Variants in LTBP2 observed in about 807,000 individuals in gnomAD.
LTBP2 encodes the protein latent transforming growth factor beta binding protein 2, also known as latent-transforming growth factor beta-binding protein 2.
LTBP2 carries 103 observed loss-of-function variants against 210.6 expected under a neutral mutation model. The ratio of observed to expected loss-of-function variants is 0.49; its 90% CI spans 0.42 to 0.58. LTBP2 has a LOEUF of 0.58. Ranked by LOEUF, LTBP2 falls within the 20% of genes least tolerant of loss-of-function variation. The probability of loss-of-function intolerance (pLI) is 0.00; values close to 1 mark genes in which losing one functional copy is unlikely to be tolerated. For missense variants in LTBP2, 2,313 were observed against 2,494.5 expected, an observed-to-expected ratio of 0.93 and a Z score of 1.55; for synonymous variants, 1,007 against 1,015.0, an observed-to-expected ratio of 0.99 and a Z score of 0.15.
At chr14:74,513,891 G>C (rs907729390) in intron 18 of LTBP2, among the ~76,000 whole-genome samples, 1 of 152,190 alleles carries the variant, frequency 6.6e-6, no homozygotes, top group Non-Finnish European at 1.5e-5. Flanking sequence ...GTCTATCTTG[G>C]CATGCCACTG....
At chr14:74,510,007 A>G in intron 20 of LTBP2, 84 bp downstream of exon 20, 1 of 1,611,652 alleles carries the variant, frequency 6.2e-7, no homozygotes, top group Admixed American at 1.7e-5. Flanking sequence ...GGGTGGATTC[A>G]GGGGGCCAAG....
In LTBP2 at chr14:74,612,080, C is replaced by G; in HGVS notation, c.-136G>C. 2 of 941,648 alleles carry G rather than the reference C, an allele frequency of 2.1e-6. No individual in the cohort carries two copies. Among genetic ancestry groups the G allele is most frequent in the Non-Finnish European group, 2.9e-6 (2 of 679,798 alleles). The allele number at this position is 941,648 out of a possible 1,614,324, so 58.3% of individuals were successfully genotyped here. On this transcript the variant is annotated 5_prime_UTR_variant, in exon 1 of 36. Transcript: ENST00000261978. ...CTGAGTCTAGGGGGCCCTGAAGCGG[C>G]CGACTGGGGGCCCGGCTCTCGGCGG...
intron 16 of LTBP2, among the ~76,000 whole-genome samples, chr14:74,522,416 T>A (rs699370): frequency 8.8e-4 from 134 of 152,094 alleles, no homozygotes; most frequent in Middle Eastern, 3.4e-3. Context: ...GACCTCCCCC[T>A]ACGGATGACC....
intron 15 of LTBP2, among the ~76,000 whole-genome samples, chr14:74,523,147 C>T (rs2139711783): frequency 6.6e-6 from 1 of 152,238 alleles, no homozygotes; most frequent in South Asian, 2.1e-4. Flanking sequence ...TAGGGCATCC[C>T]CCTCACCGAG....
Position 74,500,926 on chromosome 14 carries a change from A to G in LTBP2, c.5424T>C (p.Tyr1808=), listed in dbSNP as rs201114882. The G allele has an allele frequency of 3.7e-6, 6 of 1,614,214 alleles. No individual in the cohort carries two copies. The East Asian group carries it at 1.1e-4, about 30-fold the overall frequency. ...AGTGGGGGGGCCCTGCCTCAGCCACATATCCCGGGGAGCAGTGGCAGCGGT... is the reference window on the plus strand; with the variant it reads ...AGTGGGGGGGCCCTGCCTCAGCCACGTATCCCGGGGAGCAGTGGCAGCGGT... ...GSYRCHCSPG[Y]VAEAGPPHCT... is the part of the protein sequence containing the mutation. The change falls in exon 36 of 36, where the codon TAT becomes TAC. Residue 1808 remains tyrosine (Y), a synonymous_variant. Transcript: ENST00000261978.
chr14:74,598,011 T>A (rs1356885815), intron 2 of LTBP2, among the ~76,000 whole-genome samples: 1 of 152,220 alleles, frequency 6.6e-6, no homozygotes, highest in Non-Finnish European at 1.5e-5. Context: ...CATAAACATC[T>A]CATTCTTATA....
At chr14:74,561,517 A>G (rs2087793760) in intron 3 of LTBP2, among the ~76,000 whole-genome samples, 1 of 152,198 alleles carries the variant, frequency 6.6e-6, no homozygotes, top group African/African-American at 2.4e-5. Context: ...TTATATAAGC[A>G]TAGGAAAAGG....
At chr14:74,523,191 C>T (rs2087230855) in intron 15 of LTBP2, among the ~76,000 whole-genome samples, 1 of 152,100 alleles carries the variant, frequency 6.6e-6, no homozygotes, top group Admixed American at 6.5e-5. Context: ...CAGCAAATTT[C>T]CAGCAAAACC....
rs746266521 is a variant in LTBP2, at chr14:74,528,656, T to C, written c.2195A>G (p.Tyr732Cys). 1.9e-6 allele frequency: 3 copies of C among 1,613,070 alleles called. No homozygotes were observed. Among genetic ancestry groups the C allele is most frequent in the East Asian group, 2.2e-5 (1 of 44,888 alleles). ...GGACAGGCGGATGTCGGAGCTCGCG[T>C]AGGTGTAGCCGTGGCCGGCAGGGCA... is the stretch of plus-strand genomic sequence containing the variant. The part of the protein sequence containing the change: ...EICPAGHGYT[Y>C]ASSDIRLSMR... The change falls in exon 12 of 36, where the codon TAC becomes TGC. Residue 732 changes from tyrosine (Y) to cysteine (C), a missense_variant. By Grantham distance (194) the Tyr-to-Cys change is radical. Coordinates refer to ENST00000261978, the MANE Select transcript of LTBP2 (RefSeq NM_000428.3).
chr14:74,611,779 G>A lies in LTBP2; in HGVS notation c.166C>T (p.Pro56Ser), dbSNP rs1299122966. 6.2e-7 allele frequency: 1 copy of A among 1,610,184 alleles called. No homozygotes were observed. The highest frequency in any genetic ancestry group is 8.5e-7 in the Non-Finnish European group (1 of 1,179,556). ...AGGDANRLRRPGGSYPAAAAA... is the reference protein window; with the variant it reads ...AGGDANRLRRSGGSYPAAAAA... ...GCCGCTGCCGGGTAGCTGCCCCCAG[G>A]GCGCCGCAGTCGATTCGCGTCTCCA... The change falls in exon 1 of 36, where the codon CCT (proline) becomes TCT (serine). Residue 56 changes from proline (P) to serine (S), a missense_variant. Transcript: ENST00000261978.
chr14:74,545,074 C>T (rs939440973), intron 8 of LTBP2, among the ~76,000 whole-genome samples: 3 of 152,200 alleles, frequency 2.0e-5, no homozygotes, highest in African/African-American at 7.2e-5. Context: ...AAAACCCAAT[C>T]TTGACGCGCA....
chr14:74,521,486 C>T (rs113642661), intron 17 of LTBP2, among the ~76,000 whole-genome samples: 5,407 of 152,250 alleles, frequency 0.036, 133 homozygotes, highest in Middle Eastern at 0.061. Context: ...GCTGAGGAGC[C>T]GTGCTCCTCG....
chr14:74,587,600 C>A (rs1011898569), intron 2 of LTBP2, among the ~76,000 whole-genome samples: 11 of 151,778 alleles, frequency 7.2e-5, no homozygotes, highest in African/African-American at 2.7e-4. Flanking sequence ...CCGCCAGAGA[C>A]CCAGGAAGGC....
chr14:74,502,944 AGGAG>A lies in LTBP2; in HGVS notation c.4889-14_4889-11del, dbSNP rs1357568600. ...AGCTGAGCATAGACCTCTGTCAGGGAGGAGGGAGAGAAGGAGCTGGGTTCTAGCT... is the reference window on the plus strand; with the variant it reads ...AGCTGAGCATAGACCTCTGTCAGGGAGGAGAGAAGGAGCTGGGTTCTAGCT... On this transcript the variant is annotated splice_polypyrimidine_tract_variant and intron_variant, in intron 33 of 35. Coordinates refer to ENST00000261978, the MANE Select transcript of LTBP2 (RefSeq NM_000428.3). 5.0e-6 allele frequency: 8 copies of A among 1,610,234 alleles called. No homozygotes were observed. The African/African-American group carries it at 1.1e-4, about 22-fold the overall frequency.
intron 3 of LTBP2, among the ~76,000 whole-genome samples, chr14:74,567,113 G>A (rs1270631898): frequency 1.3e-5 from 2 of 152,194 alleles, no homozygotes; most frequent in African/African-American, 4.8e-5. Context: ...AGGGAGGCAT[G>A]AGCTCTGCGT....
intron 2 of LTBP2, among the ~76,000 whole-genome samples, chr14:74,594,284 A>G (rs1340892183): frequency 6.6e-6 from 1 of 151,962 alleles, no homozygotes; most frequent in East Asian, 1.9e-4. Context: ...TTTGCCCTCC[A>G]TCTATGACCC....
chr14:74,533,996 T>C (rs1044500899), intron 9 of LTBP2, among the ~76,000 whole-genome samples: 1 of 152,008 alleles, frequency 6.6e-6, no homozygotes, highest in African/African-American at 2.4e-5. Context: ...TTTGGGGAAA[T>C]TGGCACTGGG....
At chr14:74,574,428 C>T (rs544186444) in intron 3 of LTBP2, among the ~76,000 whole-genome samples, 15 of 152,280 alleles carry the variant, frequency 9.9e-5, no homozygotes, top group African/African-American at 3.1e-4. Flanking sequence ...TATTTGGACA[C>T]GACACAATTG....
chr14:74,591,479 G>T (rs377072270), intron 2 of LTBP2, among the ~76,000 whole-genome samples: 2 of 152,206 alleles, frequency 1.3e-5, no homozygotes, highest in African/African-American at 2.4e-5. Context: ...AACCATGTAG[G>T]ATGCTGTGCA....
Sources: gnomAD v4.1 joint callset for allele counts (sites outside exome capture counted in the v4.1 genomes callset) on GRCh38, gnomAD v4.1.1 for gene constraint, MANE v1.5 for transcripts, NCBI Gene and HGNC (gene_info 2026-07-23, HGNC 2026-07-21) for gene names.